The following EMP2 variants were observed in gnomAD, a reference collection of about 807,000 sequenced individuals.
EMP2 encodes epithelial membrane protein 2.
A neutral mutation model predicts 13.7 loss-of-function variants in EMP2; 19 were observed. That is an observed-to-expected ratio of 1.38 (90% CI 0.97 to 2.03). The LOEUF (loss-of-function observed/expected upper bound fraction) is 2.03, where lower values mean the gene tolerates loss of function less well. EMP2 is among the 30% of genes most tolerant of loss of function. The pLI is 0.00. For synonymous variants in EMP2, 97 were observed against 84.7 expected, an observed-to-expected ratio of 1.15 and a Z score of -0.80; for missense variants, 253 against 220.7, an observed-to-expected ratio of 1.15 and a Z score of -0.93.
chr16:10,575,998 C>A (rs2050982069), intron 1 of EMP2, among the ~76,000 whole-genome samples: 1 of 152,028 alleles, frequency 6.6e-6, no homozygotes, highest in South Asian at 2.1e-4. Flanking sequence ...AAGCCATCTC[C>A]CCAAAAGCAG....
chr16:10,567,707 A>G (rs1456413936), intron 1 of EMP2, among the ~76,000 whole-genome samples: 1 of 152,188 alleles, frequency 6.6e-6, no homozygotes, highest in Non-Finnish European at 1.5e-5. Context: ...GTTTCCCCAA[A>G]GAGGACTGCC....
rs146277438 is a variant in EMP2 at position 10,544,829 on chromosome 16, G to A, written c.79-1169C>T. 13 of 152,390 alleles carry A rather than the reference G, an allele frequency of 8.5e-5. No homozygotes were observed. In the East Asian group the frequency reaches 1.7e-3, roughly 20 times the overall value. The allele number at this position is 152,390 out of a possible 1,614,324, so 9.4% of individuals were successfully genotyped here. A position where few individuals can be genotyped will look rare whatever the true frequency, so the allele number is the denominator to read the frequency against. On this transcript the variant is annotated intron_variant, in intron 2 of 4. Coordinates refer to ENST00000359543, the MANE Select transcript of EMP2 (RefSeq NM_001424.6). ...GAGCCTGGGCAGTAGAGGCTGCAGTGAGCCATGATCGCAACACTACACTCC... is the reference window on the plus strand; with the variant it reads ...GAGCCTGGGCAGTAGAGGCTGCAGTAAGCCATGATCGCAACACTACACTCC...
intron 1 of EMP2, among the ~76,000 whole-genome samples, chr16:10,555,871 G>A (rs1327289043): frequency 6.6e-6 from 1 of 152,224 alleles, no homozygotes; most frequent in Non-Finnish European, 1.5e-5. Flanking sequence ...ATAGGCATGA[G>A]CCATGACACC....
chr16:10,568,780 C>CTTTT (rs58406598), intron 1 of EMP2, among the ~76,000 whole-genome samples: 7,163 of 85,040 alleles, frequency 0.084, 676 homozygotes, highest in East Asian at 0.25. Context: ...CTAGGATTTT[C>CTTTT]TTTTTTTTTT....
chr16:10,573,110 C>A (rs528471829), intron 1 of EMP2, among the ~76,000 whole-genome samples: 1 of 152,240 alleles, frequency 6.6e-6, no homozygotes, highest in African/African-American at 2.4e-5. Flanking sequence ...GGTGCAGTGG[C>A]ACAATCTCAG....
At chr16:10,566,586 C>T (rs773719469) in intron 1 of EMP2, among the ~76,000 whole-genome samples, 2 of 152,224 alleles carry the variant, frequency 1.3e-5, no homozygotes, top group Non-Finnish European at 2.9e-5. Flanking sequence ...ACCCCAGCAT[C>T]ATGAATCCCA....
intron 1 of EMP2, among the ~76,000 whole-genome samples, chr16:10,562,378 C>A (rs12929456): frequency 0.2 from 26,515 of 134,708 alleles, 2,583 homozygotes; most frequent in Non-Finnish European, 0.23. Context: ...CTCTCTCTCT[C>A]TCTATCTATC....
At chr16:10,554,079 T>G (rs558501349) in intron 1 of EMP2, among the ~76,000 whole-genome samples, 2 of 151,138 alleles carry the variant, frequency 1.3e-5, no homozygotes, top group African/African-American at 4.9e-5. Flanking sequence ...TCACCCAGGC[T>G]GGAGTGCAGT....
At chr16:10,552,875 G>T (rs1314621607) in intron 1 of EMP2, among the ~76,000 whole-genome samples, 1 of 152,192 alleles carries the variant, frequency 6.6e-6, no homozygotes, top group East Asian at 1.9e-4. Context: ...TCAGGAACAA[G>T]CTTCTACAGA....
chr16:10,549,624 T>C (rs147989176), intron 1 of EMP2, among the ~76,000 whole-genome samples: 1 of 152,184 alleles, frequency 6.6e-6, no homozygotes, highest in East Asian at 1.9e-4. Context: ...AAAAATTAAT[T>C]TGTAGTTTCA....
rs2050611669 is a variant in EMP2 at position 10,532,534 on chromosome 16, C to G, written c.*371G>C. 1 of 154,062 alleles carries G rather than the reference C, an allele frequency of 6.5e-6. No homozygotes were observed. The highest frequency in any genetic ancestry group is 1.4e-5 in the Non-Finnish European group (1 of 69,410). 9.5% of individuals were successfully genotyped at this position (154,062 alleles called of 1,614,324 possible). Reference sequence around the variant, plus strand: ...GCTGAAACCCATAGGAAGCACGTCCCCAGAGACCCGGCTTTCCCAGCCTCT... The same window carrying G: ...GCTGAAACCCATAGGAAGCACGTCCGCAGAGACCCGGCTTTCCCAGCCTCT... On this transcript the variant is annotated 3_prime_UTR_variant, in exon 5 of 5. Coordinates refer to ENST00000359543, the MANE Select transcript of EMP2 (RefSeq NM_001424.6).
intron 1 of EMP2, among the ~76,000 whole-genome samples, chr16:10,565,188 TCTATGTTACTTAATG>T (rs1220825104): frequency 1.3e-5 from 2 of 152,174 alleles, no homozygotes; most frequent in Non-Finnish European, 2.9e-5. Flanking sequence ...TGAAAAGGAT[TCTATGTTACTTAATG>T]CTATGTGTCT....
chr16:10,567,157 T>C (rs2142205574), intron 1 of EMP2, among the ~76,000 whole-genome samples: 1 of 152,342 alleles, frequency 6.6e-6, no homozygotes, highest in South Asian at 2.1e-4. Context: ...TTTTTCTGTC[T>C]TGCTGTCTGG....
chr16:10,570,227 T>TC (rs2050937688), intron 1 of EMP2, among the ~76,000 whole-genome samples: 1 of 150,142 alleles, frequency 6.7e-6, no homozygotes, highest in Non-Finnish European at 1.5e-5. Context: ...ATGGTGGCTT[T>TC]TTTTTTTTTT....
In EMP2 at chr16:10,577,114, G is replaced by T. The variant is rs372688269; in HGVS notation, c.-61+3435C>A. On this transcript the variant is annotated intron_variant, in intron 1 of 4. Coordinates refer to ENST00000359543, the MANE Select transcript of EMP2 (RefSeq NM_001424.6). ...TGTGGCCTAGATCTAGTCCTGGGTC[G>T]GCTGCCAAATTGCTGTGTGACCTGG... 4.6e-5 allele frequency among the ~76,000 whole-genome samples: 7 copies of T among 152,256 alleles called. No homozygotes were observed. In the South Asian group the frequency reaches 1.2e-3, roughly 27 times the overall value.
At chr16:10,539,456 A>G (rs762294489) in intron 3 of EMP2, among the ~76,000 whole-genome samples, 7 of 152,122 alleles carry the variant, frequency 4.6e-5, no homozygotes, top group Non-Finnish European at 8.8e-5. Flanking sequence ...ACTATGACAC[A>G]CACCACATGA....
intron 1 of EMP2, among the ~76,000 whole-genome samples, chr16:10,578,970 G>C (rs377750925): frequency 2.2e-4 from 33 of 152,262 alleles, no homozygotes; most frequent in African/African-American, 7.7e-4. Flanking sequence ...GTGGAAAGAA[G>C]GGGAGGGCTT....
chr16:10,563,406 G>A (rs1476313467), intron 1 of EMP2, among the ~76,000 whole-genome samples: 2 of 152,170 alleles, frequency 1.3e-5, no homozygotes, highest in Admixed American at 6.5e-5. Flanking sequence ...TGGCCAGGCT[G>A]TTCTCAAACT....
intron 1 of EMP2, among the ~76,000 whole-genome samples, chr16:10,556,600 G>C (rs990937502): frequency 7.2e-5 from 11 of 152,206 alleles, no homozygotes; most frequent in Admixed American, 1.3e-4. Context: ...CCTGGGGAAG[G>C]GGTGCCCACA....
Sources: allele counts gnomAD v4.1 joint callset (sites outside exome capture counted in the v4.1 genomes callset), GRCh38; gene constraint gnomAD v4.1.1; transcripts MANE v1.5; gene names NCBI Gene and HGNC (gene_info 2026-07-23, HGNC 2026-07-21).